The following GTF2H3 variants were observed in gnomAD, a reference collection of about 807,000 sequenced individuals.
GTF2H3 encodes TFIIH basal transcription factor complex p34 subunit.
GTF2H3 carries 42 observed loss-of-function variants against 51.1 expected under a neutral mutation model. The observed-to-expected ratio is 0.82, with a 90% confidence interval of 0.64 to 1.06. The LOEUF (loss-of-function observed/expected upper bound fraction) is 1.06. GTF2H3 is among the 50% of genes least tolerant of loss of function. The probability of loss-of-function intolerance (pLI) is 0.00; values close to 1 mark genes in which losing one functional copy is unlikely to be tolerated. For missense variants in GTF2H3, 326 were observed against 366.1 expected, an observed-to-expected ratio of 0.89 and a Z score of 0.89; for synonymous variants, 123 against 123.8, an observed-to-expected ratio of 0.99 and a Z score of 0.04.
At chr12:123,638,774 G>T (rs1356499715) in intron 1 of GTF2H3, among the ~76,000 whole-genome samples, 2 of 150,912 alleles carry the variant, frequency 1.3e-5, no homozygotes, top group Admixed American at 1.3e-4. Flanking sequence ...CTTGCTAAGG[G>T]CCCACTGTGC....
At chr12:123,638,244 C>T (rs762810510) in intron 1 of GTF2H3, among the ~76,000 whole-genome samples, 122 of 151,874 alleles carry the variant, frequency 8.0e-4, no homozygotes, top group Non-Finnish European at 1.5e-3. Context: ...CTGCAGCCTC[C>T]GCCTCCCGGG....
chr12:123,640,153 C>T (rs902873048), intron 2 of GTF2H3, among the ~76,000 whole-genome samples: 2 of 152,088 alleles, frequency 1.3e-5, no homozygotes, highest in African/African-American at 4.8e-5. Flanking sequence ...AGCCACCGCA[C>T]CTGGCTGATT....
chr12:123,658,817 A>G (rs371224336), intron 9 of GTF2H3, among the ~76,000 whole-genome samples: 7 of 152,362 alleles, frequency 4.6e-5, no homozygotes, highest in Middle Eastern at 3.4e-3. Flanking sequence ...TGTATCTGAT[A>G]AAGGGACTAG....
intron 3 of GTF2H3, among the ~76,000 whole-genome samples, chr12:123,646,790 A>G (rs1418494921): frequency 6.7e-6 from 1 of 150,274 alleles, no homozygotes; most frequent in East Asian, 1.9e-4. Context: ...ACCAGTAAAA[A>G]CTATACCTGT....
At chr12:123,637,790 GT>G (rs1376813211) in intron 1 of GTF2H3, among the ~76,000 whole-genome samples, 1 of 151,962 alleles carries the variant, frequency 6.6e-6, no homozygotes, top group Non-Finnish European at 1.5e-5. Context: ...GCCCAGCCTG[GT>G]TTTTTTACCT....
At chr12:123,643,613 A>G (rs1365646259) in intron 2 of GTF2H3, among the ~76,000 whole-genome samples, 1 of 152,050 alleles carries the variant, frequency 6.6e-6, no homozygotes, top group South Asian at 2.1e-4. Context: ...GACATCACCC[A>G]CTTCTTTCTT....
At chr12:123,639,846 C>A (rs1420363225) in intron 2 of GTF2H3, 4 of 409,040 alleles carry the variant, frequency 9.8e-6, no homozygotes, top group Non-Finnish European at 2.0e-5. Context: ...AATCTACAGA[C>A]CTAAGCAGAT....
chr12:123,640,337 C>CCT, intron 2 of GTF2H3, among the ~76,000 whole-genome samples: 1 of 130,802 alleles, frequency 7.6e-6, no homozygotes, highest in South Asian at 2.4e-4. Context: ...TTTTTGTGGC[C>CCT]TTTTTTTTTT....
intron 2 of GTF2H3, among the ~76,000 whole-genome samples, chr12:123,645,230 C>T (rs1955430000): frequency 6.6e-6 from 1 of 152,076 alleles, no homozygotes; most frequent in Admixed American, 6.6e-5. Flanking sequence ...ACCACCATGC[C>T]TAGCTAGTTT....
chr12:123,660,448 T>G lies in GTF2H3; in HGVS notation c.*213T>G. On this transcript the variant is annotated 3_prime_UTR_variant, in exon 13 of 13. Transcript: ENST00000543341. Reference sequence around the variant, plus strand: ...ATTCTATGCATTATATCCTAAAATATTCTATGACTGGTTTCTGTCCATGTT... The same window carrying G: ...ATTCTATGCATTATATCCTAAAATAGTCTATGACTGGTTTCTGTCCATGTT... The G allele has an allele frequency of 2.4e-6, 1 of 418,590 alleles. No individual in the cohort carries two copies. The highest frequency in any genetic ancestry group is 4.2e-6 in the Non-Finnish European group (1 of 237,552). The allele number at this position is 418,590 out of a possible 1,614,324, so 25.9% of individuals were successfully genotyped here. A position where few individuals can be genotyped will look rare whatever the true frequency, so the allele number is the denominator to read the frequency against.
intron 3 of GTF2H3, among the ~76,000 whole-genome samples, chr12:123,645,886 G>C (rs191438980): frequency 5.9e-5 from 9 of 152,242 alleles, no homozygotes; most frequent in Non-Finnish European, 1.3e-4. Context: ...GTCTGCCCCA[G>C]CGTGCAAGTT....
intron 1 of GTF2H3, among the ~76,000 whole-genome samples, chr12:123,636,802 G>A (rs1197311155): frequency 3.9e-5 from 6 of 152,044 alleles, no homozygotes; most frequent in South Asian, 2.1e-4. Context: ...CTGTAATCCC[G>A]GCTACTCAGG....
Position 123,633,829 on chromosome 12 carries a change from A to C in GTF2H3, c.-31A>C, listed in dbSNP as rs201242296. ...GATTTGAGACGCTCCCCTGACCACCACTTGCTCTGCGCTGAGGTGCTGGGA... is the reference window on the plus strand; with the variant it reads ...GATTTGAGACGCTCCCCTGACCACCCCTTGCTCTGCGCTGAGGTGCTGGGA... On this transcript the variant is annotated 5_prime_UTR_variant, in exon 1 of 13. Transcript: ENST00000543341. 2.4e-5 allele frequency: 38 copies of C among 1,611,812 alleles called. No homozygotes were observed. The highest frequency in any genetic ancestry group is 3.2e-5 in the Non-Finnish European group (38 of 1,179,880).
In GTF2H3 at chr12:123,651,010, A is replaced by G. The variant is rs1249579727; in HGVS notation, c.381A>G (p.Gln127=). Residue 127 remains glutamine, a synonymous_variant, in exon 5 of 13, where the codon CAA becomes CAG. Transcript: ENST00000543341. The part of the protein sequence containing the change: ...DLMTKSDIKG[Q]HTETLLAGSL... Reference sequence around the variant, plus strand: ...TATTTGCAGGTGACATAAAGGGTCAACATACAGAAACTTTGCTGGCAGGAT... The same window carrying G: ...TATTTGCAGGTGACATAAAGGGTCAGCATACAGAAACTTTGCTGGCAGGAT... The G allele has an allele frequency of 6.2e-7, 1 of 1,612,888 alleles. No homozygotes were observed. Among genetic ancestry groups the G allele is most frequent in the South Asian group, 1.1e-5 (1 of 91,052 alleles).
intron 2 of GTF2H3, among the ~76,000 whole-genome samples, chr12:123,641,757 C>G (rs1350140206): frequency 6.6e-6 from 1 of 152,026 alleles, no homozygotes; most frequent in Non-Finnish European, 1.5e-5. Flanking sequence ...CTTTGTCCTC[C>G]TTTACTGTCT....
Position 123,659,537 on chromosome 12 carries a change from C to T in GTF2H3, c.637C>T (p.Leu213=), listed in dbSNP as rs139176876. The T allele has an allele frequency of 1.3e-4, 211 of 1,614,144 alleles. No individual in the cohort carries two copies. Among genetic ancestry groups the T allele is most frequent in the Non-Finnish European group, 1.7e-4 (203 of 1,180,004 alleles). Residue 213 remains leucine, a synonymous_variant, in exon 10 of 13, where the codon CTG becomes TTG. Coordinates refer to ENST00000543341, the MANE Select transcript of GTF2H3 (RefSeq NM_001516.5). ...LQQACDITGG[L]YLKVPQMPSL... is the part of the protein sequence containing the mutation. ...GCAGGCTTGTGACATCACGGGAGGA[C>T]TGTACCTGAAGGTGCCTCAGATGCC...
intron 1 of GTF2H3, among the ~76,000 whole-genome samples, chr12:123,639,049 C>A (rs1391366241): frequency 1.3e-5 from 2 of 152,174 alleles, no homozygotes. Context: ...CCTGCCTCGG[C>A]CTCCCAAAGT....
At chr12:123,649,065 C>G (rs1284998896) in intron 4 of GTF2H3, 2 of 152,450 alleles carry the variant, frequency 1.3e-5, no homozygotes, top group Non-Finnish European at 2.9e-5. Context: ...CTCCCGGGTT[C>G]AAGAGATTCT....
intron 4 of GTF2H3, chr12:123,648,446 A>C (rs1566229129): frequency 5.8e-6 from 1 of 173,532 alleles, no homozygotes; most frequent in Non-Finnish European, 1.2e-5. Flanking sequence ...ATATGTTTTT[A>C]ATTCGGCACA....
Sources: gnomAD v4.1 joint callset for allele counts (sites outside exome capture counted in the v4.1 genomes callset) on GRCh38, gnomAD v4.1.1 for gene constraint, MANE v1.5 for transcripts, NCBI Gene and HGNC (gene_info 2026-07-23, HGNC 2026-07-21) for gene names.